The following CYP2J2 variants were observed in gnomAD, a reference collection of about 807,000 sequenced individuals.
The protein encoded by CYP2J2 is cytochrome P450 family 2 subfamily J member 2, also known as cytochrome P450 2J2.
A neutral mutation model predicts 48.8 loss-of-function variants in CYP2J2; 41 were observed. That is an observed-to-expected ratio of 0.84 (90% CI 0.66 to 1.09). CYP2J2 has a LOEUF of 1.09. Ranked by LOEUF, CYP2J2 falls within the 50% of genes least tolerant of loss-of-function variation. CYP2J2 has a pLI of 0.00. For synonymous variants in CYP2J2, 221 were observed against 227.1 expected, an observed-to-expected ratio of 0.97 and a Z score of 0.24; for missense variants, 644 against 617.3, an observed-to-expected ratio of 1.04 and a Z score of -0.46.
At chr1:59,956,901 C>T in the CYP2J2 span, among the ~76,000 whole-genome samples, 13 of 152,098 alleles carry the variant, frequency 8.5e-5, no homozygotes, top group African/African-American at 2.9e-4. Context: ...TTCTGCTTAT[C>T]TTAGCCATAA....
chr1:59,926,255 C>T (rs1323418830), intron 1 of CYP2J2, among the ~76,000 whole-genome samples: 1 of 152,118 alleles, frequency 6.6e-6, no homozygotes, highest in African/African-American at 2.4e-5. Context: ...TAAAAGAGGG[C>T]AAGGTAATCA....
At chr1:59,961,154 T>C in the CYP2J2 span, among the ~76,000 whole-genome samples, 1 of 152,014 alleles carries the variant, frequency 6.6e-6, no homozygotes. Context: ...TTCATCCAAA[T>C]TAAAAACTTT....
At chr1:59,913,563 T>C (rs1323314563) in intron 2 of CYP2J2, among the ~76,000 whole-genome samples, 1 of 152,158 alleles carries the variant, frequency 6.6e-6, no homozygotes, top group Non-Finnish European at 1.5e-5. Context: ...ATCTACCCAT[T>C]TGAGTGTCAC....
intron 1 of CYP2J2, among the ~76,000 whole-genome samples, chr1:59,920,570 A>T (rs1452184270): frequency 6.6e-6 from 1 of 152,182 alleles, no homozygotes; most frequent in Non-Finnish European, 1.5e-5. Flanking sequence ...TTCTCAGTTG[A>T]TAAGGGAGAT....
At chr1:59,909,709 C>T (rs776219871) in intron 5 of CYP2J2, 75 bp downstream of exon 5, 94 of 1,084,252 alleles carry the variant, frequency 8.7e-5, no homozygotes, top group Non-Finnish European at 1.1e-4. Flanking sequence ...TCATATTTTA[C>T]AGCAGCAGTT....
At chr1:59,930,022 A>AAAT (rs1644595559), upstream of CYP2J2, among the ~76,000 whole-genome samples, 1 of 152,212 alleles carries the variant, frequency 6.6e-6, no homozygotes, top group Admixed American at 6.5e-5. Flanking sequence ...AGCATGAGAG[A>AAAT]AATAGTTCAT....
chr1:59,934,595 A>G, the CYP2J2 span, among the ~76,000 whole-genome samples: 2 of 152,128 alleles, frequency 1.3e-5, no homozygotes, highest in Admixed American at 6.5e-5. Context: ...GTGAACAGGT[A>G]TATGAAATGA....
the CYP2J2 span, among the ~76,000 whole-genome samples, chr1:59,957,430 G>C: frequency 2.6e-5 from 4 of 152,044 alleles, no homozygotes; most frequent in Non-Finnish European, 5.9e-5. Flanking sequence ...CTTTATTCCA[G>C]CAAAGAATAG....
chr1:59,906,947 T>C (rs1644370005), intron 6 of CYP2J2, among the ~76,000 whole-genome samples: 1 of 152,252 alleles, frequency 6.6e-6, no homozygotes, highest in Non-Finnish European at 1.5e-5. Flanking sequence ...ATTGATTTTA[T>C]GCCTCATTAA....
intron 7 of CYP2J2, among the ~76,000 whole-genome samples, chr1:59,904,050 C>T (rs113648592): frequency 3.9e-5 from 6 of 152,270 alleles, no homozygotes; most frequent in African/African-American, 1.2e-4. Flanking sequence ...ATATTGCACA[C>T]GCTTAGATTG....
intron 1 of CYP2J2, among the ~76,000 whole-genome samples, chr1:59,919,218 T>C (rs1332285826): frequency 6.6e-6 from 1 of 152,256 alleles, no homozygotes; most frequent in African/African-American, 2.4e-5. Context: ...AGGTTTAACA[T>C]CTGTCCCTCA....
intron 8 of CYP2J2, among the ~76,000 whole-genome samples, chr1:59,899,839 T>A (rs917162977): frequency 2.6e-5 from 4 of 152,230 alleles, no homozygotes; most frequent in Non-Finnish European, 4.4e-5. Flanking sequence ...TCATTCATTG[T>A]CATATCACCA....
At chr1:59,926,465 T>C (rs1644565052) in intron 1 of CYP2J2, 72 bp downstream of exon 1, 1 of 1,338,360 alleles carries the variant, frequency 7.5e-7, no homozygotes. Context: ...CCACCCACGT[T>C]GCCGGAACGT....
the CYP2J2 span, among the ~76,000 whole-genome samples, chr1:59,933,661 A>G: frequency 1.3e-5 from 2 of 152,220 alleles, no homozygotes; most frequent in Non-Finnish European, 2.9e-5. Context: ...AGCATTAAAA[A>G]GAATAGACTT....
At chr1:59,968,701 G>A in the CYP2J2 span, among the ~76,000 whole-genome samples, 1 of 152,174 alleles carries the variant, frequency 6.6e-6, no homozygotes, top group Non-Finnish European at 1.5e-5. Flanking sequence ...AAAGGCCCGA[G>A]GGGGGACCAA....
the CYP2J2 span, among the ~76,000 whole-genome samples, chr1:59,945,220 T>C: frequency 6.6e-6 from 1 of 152,154 alleles, no homozygotes; most frequent in Non-Finnish European, 1.5e-5. Context: ...AATTCTTTTG[T>C]GGTTTAATTT....
At chr1:59,914,892 G>A (rs1048710510) in intron 2 of CYP2J2, among the ~76,000 whole-genome samples, 7 of 152,268 alleles carry the variant, frequency 4.6e-5, no homozygotes, top group East Asian at 3.9e-4. Flanking sequence ...GGAATGTTTC[G>A]GTATAAAACC....
In CYP2J2 at chr1:59,915,970, G is replaced by T. The variant is rs780297550; in HGVS notation, c.341C>A (p.Thr114Asn). The change falls in exon 2 of 9, where the codon ACC becomes AAC. Residue 114 changes from threonine (T) to asparagine (N), a missense_variant. Transcript: ENST00000371204. ...CTTAAAGATATGTTCTCGCATAGGG[G>T]TCACGGGGCGGTTCCCAAAGTTTTG... Reference protein sequence around the residue: ...MDQNFGNRPVTPMREHIFKKN... With the variant: ...MDQNFGNRPVNPMREHIFKKN... 84 of 1,613,834 alleles carry T rather than the reference G, an allele frequency of 5.2e-5. No individual in the cohort carries two copies. Among genetic ancestry groups the T allele is most frequent in the Non-Finnish European group, 6.9e-5 (82 of 1,179,906 alleles).
At chr1:59,937,906 C>T in the CYP2J2 span, among the ~76,000 whole-genome samples, 20 of 152,116 alleles carry the variant, frequency 1.3e-4, no homozygotes, top group African/African-American at 4.6e-4. Context: ...TCCAGAATTT[C>T]TGCTTGATTC....
Sources: allele counts gnomAD v4.1 joint callset (sites outside exome capture counted in the v4.1 genomes callset), GRCh38; gene constraint gnomAD v4.1.1; transcripts MANE v1.5; gene names NCBI Gene and HGNC (gene_info 2026-07-23, HGNC 2026-07-21).